Variants in EEF1E1 observed in about 807,000 individuals in gnomAD.
The protein encoded by EEF1E1 is eukaryotic translation elongation factor 1 epsilon-1.
A neutral mutation model predicts 19.9 loss-of-function variants in EEF1E1; 19 were observed. The observed-to-expected ratio is 0.95, with a 90% CI of 0.66 to 1.40. EEF1E1 has a LOEUF of 1.40. EEF1E1 is among the 40% of genes most tolerant of loss of function. The pLI, the probability that EEF1E1 is intolerant of heterozygous loss-of-function variation, is 0.00. For missense variants in EEF1E1, 198 were observed against 202.2 expected (o/e 0.98, Z 0.13); for synonymous variants, 81 against 80.0 (o/e 1.01, Z -0.07).
Position 8,079,513 on chromosome 6 carries a change from TAAG to T in EEF1E1, c.*374_*376del, listed in dbSNP as rs1757673796. On this transcript the variant is annotated 3_prime_UTR_variant, in exon 4 of 4. Coordinates refer to ENST00000379715, the MANE Select transcript of EEF1E1 (RefSeq NM_004280.5). ...CTTAACAAACTACCATAAATATCCATAAGGGGAAAATGAATTTTAGAATATGAA... is the reference window on the plus strand; with the variant it reads ...CTTAACAAACTACCATAAATATCCATGGGAAAATGAATTTTAGAATATGAA... The T allele has an allele frequency of 1.0e-6, 1 of 995,258 alleles. No individual in the cohort carries two copies. Among genetic ancestry groups the T allele is most frequent in the Non-Finnish European group, 1.2e-6 (1 of 835,304 alleles). 61.7% of individuals were successfully genotyped at this position (995,258 alleles called of 1,614,324 possible).
downstream of EEF1E1, among the ~76,000 whole-genome samples, chr6:8,074,401 T>C (rs1188653177): frequency 2.0e-5 from 3 of 152,182 alleles, no homozygotes; most frequent in African/African-American, 4.8e-5. Context: ...TTTTACCAGA[T>C]TGAGCACCGA....
intron 2 of EEF1E1, among the ~76,000 whole-genome samples, chr6:8,094,089 G>A (rs1213352445): frequency 6.6e-6 from 1 of 152,024 alleles, no homozygotes; most frequent in Non-Finnish European, 1.5e-5. Context: ...GTGAGCCACC[G>A]CATGCGGCCT....
rs1233189399 is a variant in EEF1E1, at chr6:8,102,086, G to A, written c.87+349C>T. On this transcript the variant is annotated intron_variant, in intron 1 of 3. Transcript: ENST00000379715. ...ATAACTGAATGAAAGGTGCGATTAC[G>A]GGAAAAAAAAAAAAGCCAGTTACTG... 9.2e-6 allele frequency: 11 copies of A among 1,199,976 alleles called. No individual in the cohort carries two copies. In the South Asian group the frequency reaches 1.2e-4, roughly 13 times the overall value. 74.3% of individuals were successfully genotyped at this position (1,199,976 alleles called of 1,614,324 possible).
rs181886992 is a variant in EEF1E1 at position 8,086,864 on chromosome 6, T to C, written c.384+3322A>G. On this transcript the variant is annotated intron_variant, in intron 3 of 3. Coordinates refer to ENST00000379715, the MANE Select transcript of EEF1E1 (RefSeq NM_004280.5). ...ACCTCAGACAATGGTGTTACAAATA[T>C]GTGTCGCTACAATCATTGAGTCAAA... Among the ~76,000 whole-genome samples, 272 of 152,300 alleles carry C rather than the reference T, an allele frequency of 1.8e-3. 3 individuals are homozygous for C. Among genetic ancestry groups the C allele is most frequent in the African/African-American group, 6.3e-3 (261 of 41,564 alleles).
intron 3 of EEF1E1, among the ~76,000 whole-genome samples, chr6:8,074,372 C>G (rs1757545078): frequency 6.6e-6 from 1 of 152,152 alleles, no homozygotes; most frequent in African/African-American, 2.4e-5. Context: ...GTACTGAGCT[C>G]AGTCAGCTCA....
chr6:8,090,002 T>C, intron 3 of EEF1E1, 184 bp downstream of exon 3: 2 of 410,964 alleles, frequency 4.9e-6, no homozygotes, highest in Admixed American at 4.4e-5. Context: ...ATTATTATAC[T>C]TTAAGTTTTA....
chr6:8,099,784 AC>A (rs1365076115), intron 1 of EEF1E1, among the ~76,000 whole-genome samples: 1,748 of 123,350 alleles, frequency 0.014, 80 homozygotes, highest in African/African-American at 0.054. Context: ...ACACACACAC[AC>A]ACACACAAAA....
chr6:8,101,354 T>C (rs1002772977), intron 1 of EEF1E1, among the ~76,000 whole-genome samples: 2 of 139,472 alleles, frequency 1.4e-5, no homozygotes, highest in African/African-American at 5.5e-5. Context: ...ATACTACATA[T>C]ATATTATATA....
downstream of EEF1E1, among the ~76,000 whole-genome samples, chr6:8,075,547 C>A (rs1443838959): frequency 6.6e-6 from 1 of 152,074 alleles, no homozygotes. Context: ...AATGTATGCA[C>A]CTTAACTAAA....
intron 2 of EEF1E1, among the ~76,000 whole-genome samples, chr6:8,093,268 T>C (rs1758070723): frequency 6.6e-6 from 1 of 151,840 alleles, no homozygotes; most frequent in Non-Finnish European, 1.5e-5. Context: ...AGACAGAGTT[T>C]CACACACATT....
chr6:8,079,622 A>T lies in EEF1E1; in HGVS notation c.*268T>A. On this transcript the variant is annotated 3_prime_UTR_variant, in exon 4 of 4. Transcript: ENST00000379715. ...AGATTAAGCCCGATTTGCAACTTTT[A>T]TTGAAATAAATGTCATCTACTAAAA... 9.0e-7 allele frequency: 1 copy of T among 1,108,570 alleles called. No homozygotes were observed. The highest frequency in any genetic ancestry group is 1.1e-6 in the Non-Finnish European group (1 of 906,680). 68.7% of individuals were successfully genotyped at this position (1,108,570 alleles called of 1,614,324 possible). A position where few individuals can be genotyped will look rare whatever the true frequency, so the allele number is the denominator to read the frequency against.
chr6:8,077,104 C>T (rs1757616756), downstream of EEF1E1, among the ~76,000 whole-genome samples: 1 of 152,184 alleles, frequency 6.6e-6, no homozygotes, highest in East Asian at 1.9e-4. Flanking sequence ...CCACCACACC[C>T]AGCTAATTTT....
chr6:8,076,177 C>T (rs1000772385), downstream of EEF1E1, among the ~76,000 whole-genome samples: 14 of 151,836 alleles, frequency 9.2e-5, no homozygotes, highest in African/African-American at 3.1e-4. Flanking sequence ...ATATTTTGAC[C>T]TCTTCCCGTG....
chr6:8,077,100 C>T (rs529493405), downstream of EEF1E1, among the ~76,000 whole-genome samples: 7 of 152,202 alleles, frequency 4.6e-5, no homozygotes, highest in African/African-American at 1.7e-4. Flanking sequence ...CCCGCCACCA[C>T]ACCCAGCTAA....
chr6:8,078,567 G>A (rs1227389269), downstream of EEF1E1: 3 of 947,780 alleles, frequency 3.2e-6, no homozygotes, highest in East Asian at 3.1e-4. Context: ...AGTCTCGCTC[G>A]AAGCAGGGTT....
Position 8,079,993 on chromosome 6 carries a change from T to C in EEF1E1, c.422A>G (p.Asn141Ser). The C allele has an allele frequency of 6.2e-7, 1 of 1,613,626 alleles. No homozygotes were observed. Among genetic ancestry groups the C allele is most frequent in the African/African-American group, 1.3e-5 (1 of 75,016 alleles). ...LTVQEKEKYL[N>S]VSRWFCHIQH... ...AATGTGACAAAACCAGCGAGACACATTAAGATATTTCTCCTTTTCTTGAAC... is the reference window on the plus strand; with the variant it reads ...AATGTGACAAAACCAGCGAGACACACTAAGATATTTCTCCTTTTCTTGAAC... Residue 141 changes from asparagine (N) to serine (S), a missense_variant, in exon 4 of 4, where the codon AAT becomes AGT. Coordinates refer to ENST00000379715, the MANE Select transcript of EEF1E1 (RefSeq NM_004280.5).
At chr6:8,098,218 C>G (rs1031953301) in intron 1 of EEF1E1, among the ~76,000 whole-genome samples, 1 of 151,822 alleles carries the variant, frequency 6.6e-6, no homozygotes, top group African/African-American at 2.4e-5. Flanking sequence ...CTCCCGGGTT[C>G]AACCGATTCT....
At chr6:8,094,118 A>C (rs1351154053) in intron 2 of EEF1E1, among the ~76,000 whole-genome samples, 1 of 151,978 alleles carries the variant, frequency 6.6e-6, no homozygotes, top group Non-Finnish European at 1.5e-5. Context: ...TAATTTTTAA[A>C]TTTTCTTGTT....
intron 3 of EEF1E1, among the ~76,000 whole-genome samples, chr6:8,088,476 T>TGA (rs920093508): frequency 5.3e-5 from 8 of 152,230 alleles, no homozygotes; most frequent in Non-Finnish European, 1.0e-4. Flanking sequence ...GCTGTTCTTG[T>TGA]GATAGTGAAT....
Sources: gnomAD v4.1 joint callset for allele counts (sites outside exome capture counted in the v4.1 genomes callset) on GRCh38, gnomAD v4.1.1 for gene constraint, MANE v1.5 for transcripts, NCBI Gene and HGNC (gene_info 2026-07-23, HGNC 2026-07-21) for gene names.